PRDX6: variants seen among roughly 807,000 people sequenced by gnomAD.
PRDX6 encodes peroxiredoxin-6.
In PRDX6, 13 loss-of-function variants were observed where a neutral mutation model predicts 20.0. That is an observed-to-expected ratio of 0.65 (90% CI 0.42 to 1.03). PRDX6 has a LOEUF of 1.03. PRDX6 is among the 50% of genes least tolerant of loss of function. PRDX6 has a pLI of 0.00. For missense variants in PRDX6, 203 were observed against 276.9 expected, an observed-to-expected ratio of 0.73 and a Z score of 1.89; for synonymous variants, 85 against 100.8, an observed-to-expected ratio of 0.84 and a Z score of 0.94.
In PRDX6 at chr1:173,488,032, T is replaced by C; in HGVS notation, c.*169T>C. The C allele has an allele frequency of 1.4e-6, 1 of 706,908 alleles. No homozygotes were observed. Among genetic ancestry groups the C allele is most frequent in the East Asian group, 2.8e-5 (1 of 36,138 alleles). 43.8% of individuals were successfully genotyped at this position (706,908 alleles called of 1,614,324 possible). A position where few individuals can be genotyped will look rare whatever the true frequency, so the allele number is the denominator to read the frequency against. Reference sequence around the variant, plus strand: ...GCACTAAAAGTTTCTTGAGATTCTTTATACTCTCTGCCTTCAGCAATCAAT... The same window carrying C: ...GCACTAAAAGTTTCTTGAGATTCTTCATACTCTCTGCCTTCAGCAATCAAT... On this transcript the variant is annotated 3_prime_UTR_variant, in exon 5 of 5. Transcript: ENST00000340385.
At position 173,486,389 on chromosome 1, in the gene PRDX6, A is replaced by G; in HGVS notation, c.534A>G (p.Pro178=). ...CAGCAGAAAAAAGGGTTGCCACCCC[A>G]GTTGATTGGAAGGTAAAGATGTTTT... ...QLTAEKRVAT[P]VDWKDGDSVM... is the part of the protein sequence containing the mutation. The change falls in exon 4 of 5, where the codon CCA becomes CCG. Residue 178 remains proline, a synonymous_variant. Transcript: ENST00000340385. 1 of 1,607,082 alleles carries G rather than the reference A, an allele frequency of 6.2e-7. No individual in the cohort carries two copies.
At chr1:173,485,921 A>G (rs151274485) in intron 3 of PRDX6, among the ~76,000 whole-genome samples, 54 of 152,340 alleles carry the variant, frequency 3.5e-4, no homozygotes, top group African/African-American at 1.2e-3. Context: ...ATGCACAACT[A>G]TTCAAGGAAC....
At chr1:173,482,078 T>C (rs1421171989) in intron 2 of PRDX6, 1 of 152,466 alleles carries the variant, frequency 6.6e-6, no homozygotes, top group African/African-American at 2.4e-5. Flanking sequence ...AACTACATTT[T>C]TATAGTTGTT....
chr1:173,483,818 C>T (rs1382261726), intron 2 of PRDX6, among the ~76,000 whole-genome samples: 1 of 152,024 alleles, frequency 6.6e-6, no homozygotes. Flanking sequence ...TAATATCGTT[C>T]CTGGCCGGGC....
At chr1:173,482,430 A>G (rs1658819513) in intron 2 of PRDX6, among the ~76,000 whole-genome samples, 1 of 152,246 alleles carries the variant, frequency 6.6e-6, no homozygotes, top group Admixed American at 6.5e-5. Flanking sequence ...TGTTTAGTGC[A>G]CTGCTGGAAC....
intron 2 of PRDX6, among the ~76,000 whole-genome samples, chr1:173,483,259 TA>T (rs1300987876): frequency 1.3e-5 from 2 of 152,198 alleles, no homozygotes; most frequent in Non-Finnish European, 2.9e-5. Flanking sequence ...TTACATTGAA[TA>T]GGAAAAAAGT....
intron 3 of PRDX6, 126 bp from the exon 4 acceptor site, chr1:173,486,129 T>C (rs1658892733): frequency 1.3e-6 from 1 of 769,148 alleles, no homozygotes; most frequent in East Asian, 3.0e-5. Context: ...TGGTGTATCC[T>C]TCTAGATGCT....
At chr1:173,484,175 TATACAC>T (rs1213957120) in intron 2 of PRDX6, among the ~76,000 whole-genome samples, 7 of 134,902 alleles carry the variant, frequency 5.2e-5, no homozygotes, top group South Asian at 2.2e-4. Context: ...TATTTATATA[TATACAC>T]ACACACACAC....
intron 1 of PRDX6, 137 bp downstream of exon 1, chr1:173,477,629 G>A: frequency 1.4e-6 from 1 of 721,086 alleles, no homozygotes; most frequent in African/African-American, 1.9e-5. Context: ...CACTGGTTCC[G>A]GCGCGCGCCA....
intron 2 of PRDX6, among the ~76,000 whole-genome samples, chr1:173,484,176 A>G (rs71637470): frequency 0.019 from 1,545 of 81,156 alleles, 50 homozygotes; most frequent in Middle Eastern, 0.061. Flanking sequence ...ATTTATATAT[A>G]TACACACACA....
Position 173,481,453 on chromosome 1 carries a change from A to C in PRDX6, c.223A>C (p.Ser75Arg), listed in dbSNP as rs755610622. 2 of 1,614,178 alleles carry C rather than the reference A, an allele frequency of 1.2e-6. No homozygotes were observed. The highest frequency in any genetic ancestry group is 4.5e-5 in the East Asian group (2 of 44,886). The stretch of plus-strand genomic sequence containing the variant: ...TAAGTTGATTGCCCTTTCAATAGAC[A>C]GTGTTGAGGACCATCTTGCCTGGAG... ...NVKLIALSID[S>R]VEDHLAWSKD... The change falls in exon 2 of 5, where the codon AGT (serine) becomes CGT (arginine). Residue 75 changes from serine to arginine, a missense_variant. Coordinates refer to ENST00000340385, the MANE Select transcript of PRDX6 (RefSeq NM_004905.3).
chr1:173,484,660 A>G (rs147728045), intron 2 of PRDX6, among the ~76,000 whole-genome samples: 2 of 152,286 alleles, frequency 1.3e-5, no homozygotes, highest in African/African-American at 4.8e-5. Flanking sequence ...TGGATGAATA[A>G]AGTTTTACTA....
Position 173,487,939 on chromosome 1 carries a change from A to G in PRDX6, c.*76A>G. 6.3e-7 allele frequency: 1 copy of G among 1,582,158 alleles called. No individual in the cohort carries two copies. The highest frequency in any genetic ancestry group is 8.6e-7 in the Non-Finnish European group (1 of 1,159,546). Reference sequence around the variant, plus strand: ...GTGTTTTCCTGCAGCAATTCCATAAACACATCCTGGTGTCATCACAGCCAA... The same window carrying G: ...GTGTTTTCCTGCAGCAATTCCATAAGCACATCCTGGTGTCATCACAGCCAA... On this transcript the variant is annotated 3_prime_UTR_variant, in exon 5 of 5. Transcript: ENST00000340385.
rs1351838899 is a variant in PRDX6 at position 173,486,269 on chromosome 1, T to C, written c.414T>C (p.Gly138=). ...PVTARVVFVF[G]PDKKLKLSIL... is the part of the protein sequence containing the mutation. ...GTGCTTTACAGGTGTTTGTTTTTGG[T>C]CCTGATAAGAAGCTGAAGCTGTCTA... The change falls in exon 4 of 5, where the codon GGT becomes GGC. Residue 138 remains glycine, a synonymous_variant. Coordinates refer to ENST00000340385, the MANE Select transcript of PRDX6 (RefSeq NM_004905.3). 5 of 1,606,004 alleles carry C rather than the reference T, an allele frequency of 3.1e-6. No homozygotes were observed. The highest frequency in any genetic ancestry group is 1.1e-5 in the South Asian group (1 of 89,476).
intron 2 of PRDX6, among the ~76,000 whole-genome samples, chr1:173,484,506 G>C (rs1244907364): frequency 6.6e-6 from 1 of 152,040 alleles, no homozygotes; most frequent in African/African-American, 2.4e-5. Flanking sequence ...GAAGGGAGGA[G>C]CCGTGTCTTA....
chr1:173,477,500 GC>G lies in PRDX6; in HGVS notation c.95+10del. 1 of 1,596,162 alleles carries G rather than the reference GC, an allele frequency of 6.3e-7. No homozygotes were observed. Among genetic ancestry groups the G allele is most frequent in the South Asian group, 1.1e-5 (1 of 89,388 alleles). On this transcript the variant is annotated intron_variant, in intron 1 of 4. Transcript: ENST00000340385. Reference sequence around the variant, plus strand: ...CGACTTTCTGGGAGACTCGTAAGTGGCCACCGCGTAGCCCTGTCCTGGCCTC... The same window carrying G: ...CGACTTTCTGGGAGACTCGTAAGTGGCACCGCGTAGCCCTGTCCTGGCCTC...
At chr1:173,479,325 G>C (rs1022712625) in intron 1 of PRDX6, among the ~76,000 whole-genome samples, 5 of 152,174 alleles carry the variant, frequency 3.3e-5, no homozygotes, top group African/African-American at 1.2e-4. Flanking sequence ...ACCTTACCGG[G>C]AAGAGAAGTT....
At chr1:173,480,468 G>A (rs776229545) in intron 1 of PRDX6, among the ~76,000 whole-genome samples, 26 of 152,322 alleles carry the variant, frequency 1.7e-4, no homozygotes, top group Admixed American at 5.9e-4. Flanking sequence ...CTGTTGCCAA[G>A]AAGAAGGAAA....
At chr1:173,483,930 G>A (rs1194271568) in intron 2 of PRDX6, among the ~76,000 whole-genome samples, 8 of 151,256 alleles carry the variant, frequency 5.3e-5, no homozygotes, top group East Asian at 1.9e-4. Context: ...GCGAAACCCC[G>A]TTTCTACTAA....
Sources: gnomAD v4.1 joint callset for allele counts (sites outside exome capture counted in the v4.1 genomes callset) on GRCh38, gnomAD v4.1.1 for gene constraint, MANE v1.5 for transcripts, NCBI Gene and HGNC (gene_info 2026-07-23, HGNC 2026-07-21) for gene names.